Variants in SLC4A4 observed in about 807,000 individuals in gnomAD.
SLC4A4 encodes the protein solute carrier family 4 member 4.
A neutral mutation model predicts 111.5 loss-of-function variants in SLC4A4; 27 were observed. That is an observed-to-expected ratio of 0.24 (90% CI 0.18 to 0.33). The LOEUF is 0.33. Ranked by LOEUF, SLC4A4 falls within the 10% of genes least tolerant of loss-of-function variation. The pLI is 1.00. For missense variants in SLC4A4, 909 were observed against 1,315.5 expected (o/e 0.69, Z 4.78); for synonymous variants, 443 against 463.4 (o/e 0.96, Z 0.57).
At chr4:71,529,409 C>G (rs1295078269) in intron 16 of SLC4A4, among the ~76,000 whole-genome samples, 2 of 152,058 alleles carry the variant, frequency 1.3e-5, no homozygotes, top group Non-Finnish European at 2.9e-5. Flanking sequence ...GGCATTTTCT[C>G]TTTGTTGGTA....
At chr4:71,320,215 A>G (rs190454457) in intron 3 of SLC4A4, among the ~76,000 whole-genome samples, 1 of 152,138 alleles carries the variant, frequency 6.6e-6, no homozygotes, top group East Asian at 1.9e-4. Flanking sequence ...CATATTTAAT[A>G]TCTGCCTTGA....
At chr4:71,509,547 G>C (rs991715568) in intron 16 of SLC4A4, among the ~76,000 whole-genome samples, 1 of 152,076 alleles carries the variant, frequency 6.6e-6, no homozygotes, top group African/African-American at 2.4e-5. Flanking sequence ...TTGCCTTAGT[G>C]GCCTACTTCA....
At chr4:71,099,197 T>C (rs1742645075) in intron 2 of SLC4A4, among the ~76,000 whole-genome samples, 1 of 152,124 alleles carries the variant, frequency 6.6e-6, no homozygotes, top group African/African-American at 2.4e-5. Flanking sequence ...AACACATGAT[T>C]GGACATAAAA....
chr4:71,145,572 G>T (rs1232156325), intron 2 of SLC4A4, among the ~76,000 whole-genome samples: 1 of 149,018 alleles, frequency 6.7e-6, no homozygotes, highest in Non-Finnish European at 1.5e-5. Context: ...GAATCCATCT[G>T]GTCCTGGATT....
chr4:71,318,593 G>GT (rs1022898479), intron 3 of SLC4A4, among the ~76,000 whole-genome samples: 3 of 151,984 alleles, frequency 2.0e-5, no homozygotes, highest in Admixed American at 2.0e-4. Context: ...TCAGAATTCT[G>GT]TTTAGGGAAT....
At chr4:71,111,516 A>C (rs2148951825) in intron 2 of SLC4A4, among the ~76,000 whole-genome samples, 1 of 121,620 alleles carries the variant, frequency 8.2e-6, no homozygotes, top group African/African-American at 3.2e-5. Flanking sequence ...GCCTGCCACC[A>C]CGCTCAGGTT....
intron 2 of SLC4A4, among the ~76,000 whole-genome samples, chr4:71,102,130 G>A (rs920100804): frequency 2.6e-5 from 4 of 152,136 alleles, no homozygotes; most frequent in Non-Finnish European, 4.4e-5. Flanking sequence ...GAATGCAGAA[G>A]CCTCAGGAGC....
intron 4 of SLC4A4, among the ~76,000 whole-genome samples, chr4:71,345,163 C>T (rs562626600): frequency 6.6e-6 from 1 of 152,016 alleles, no homozygotes; most frequent in Non-Finnish European, 1.5e-5. Context: ...CCTGAAAAAT[C>T]GTTTGGAATT....
intron 2 of SLC4A4, among the ~76,000 whole-genome samples, chr4:71,238,120 G>A (rs1719936860): frequency 6.6e-6 from 1 of 152,178 alleles, no homozygotes; most frequent in African/African-American, 2.4e-5. Context: ...GTAGCTTTGA[G>A]CAAATAGCCT....
intron 16 of SLC4A4, among the ~76,000 whole-genome samples, chr4:71,506,766 G>T (rs1347015773): frequency 6.6e-6 from 1 of 152,032 alleles, no homozygotes; most frequent in East Asian, 1.9e-4. Context: ...TACTTCACAA[G>T]AAGGTCGTCC....
intron 1 of SLC4A4, among the ~76,000 whole-genome samples, chr4:71,084,566 C>A (rs902444137): frequency 6.6e-6 from 1 of 151,876 alleles, no homozygotes; most frequent in South Asian, 2.1e-4. Context: ...GCCCCCACTG[C>A]ACAACAGGCC....
chr4:71,147,485 C>T (rs768172511), intron 2 of SLC4A4, among the ~76,000 whole-genome samples: 24 of 152,118 alleles, frequency 1.6e-4, no homozygotes, highest in Non-Finnish European at 3.4e-4. Context: ...CACAGTGATG[C>T]TTTTCCTTCC....
chr4:71,487,038 A>T lies in SLC4A4; in HGVS notation c.1974+20A>T. On this transcript the variant is annotated intron_variant, in intron 15 of 25. Transcript: ENST00000264485. ...GACATGGTAAGTGACTTACTATTTTAAATTACCTTCATACTGACTGCATAT... is the reference window on the plus strand; with the variant it reads ...GACATGGTAAGTGACTTACTATTTTTAATTACCTTCATACTGACTGCATAT... 1 of 1,412,574 alleles carries T rather than the reference A, an allele frequency of 7.1e-7. No homozygotes were observed. The highest frequency in any genetic ancestry group is 1.2e-5 in the South Asian group (1 of 86,848). The allele number at this position is 1,412,574 out of a possible 1,614,324, so 87.5% of individuals were successfully genotyped here. A position where few individuals can be genotyped will look rare whatever the true frequency, so the allele number is the denominator to read the frequency against.
intron 14 of SLC4A4, among the ~76,000 whole-genome samples, chr4:71,474,644 T>A (rs1300796337): frequency 6.6e-6 from 1 of 151,850 alleles, no homozygotes; most frequent in Non-Finnish European, 1.5e-5. Flanking sequence ...TGTTGGGCTG[T>A]GTGCTCATGG....
At chr4:71,371,923 A>T (rs1731928828) in intron 6 of SLC4A4, among the ~76,000 whole-genome samples, 1 of 152,210 alleles carries the variant, frequency 6.6e-6, no homozygotes, top group Admixed American at 6.5e-5. Flanking sequence ...ACTAGGGCCC[A>T]TCTTGGTCAC....
At chr4:71,142,967 C>A (rs1744050227) in intron 2 of SLC4A4, among the ~76,000 whole-genome samples, 1 of 151,342 alleles carries the variant, frequency 6.6e-6, no homozygotes, top group Non-Finnish European at 1.5e-5. Context: ...TATTATTATA[C>A]TTTAAGTTTT....
At chr4:71,255,572 A>G (rs575407408) in intron 3 of SLC4A4, among the ~76,000 whole-genome samples, 173 bp downstream of exon 3, 1 of 152,198 alleles carries the variant, frequency 6.6e-6, no homozygotes, top group South Asian at 2.1e-4. Flanking sequence ...CAGCAGGTTA[A>G]TCTAGGAGGT....
At chr4:71,234,400 G>A (rs1046380750) in intron 1 of SLC4A4, among the ~76,000 whole-genome samples, 2 of 152,228 alleles carry the variant, frequency 1.3e-5, no homozygotes. Flanking sequence ...GGGGCTTAGA[G>A]AAGTTGGTAA....
chr4:71,243,023 T>C (rs1478085899), intron 2 of SLC4A4, among the ~76,000 whole-genome samples: 3 of 152,194 alleles, frequency 2.0e-5, no homozygotes, highest in Non-Finnish European at 2.9e-5. Flanking sequence ...ACTGCTCTGA[T>C]ACACATTATC....
Sources: gnomAD v4.1 joint callset for allele counts (sites outside exome capture counted in the v4.1 genomes callset) on GRCh38, gnomAD v4.1.1 for gene constraint, MANE v1.5 for transcripts, NCBI Gene and HGNC (gene_info 2026-07-23, HGNC 2026-07-21) for gene names.